ZCCHC7: variants seen among roughly 807,000 people sequenced by gnomAD.
ZCCHC7 encodes the protein zinc finger CCHC domain-containing protein 7.
Under a neutral mutation model 52.0 loss-of-function variants are expected in ZCCHC7, and 35 were observed. That is an observed-to-expected ratio of 0.67 (90% CI 0.51 to 0.89). The LOEUF is 0.89. ZCCHC7 is among the 40% of genes least tolerant of loss of function. The probability of loss-of-function intolerance (pLI) is 0.00; values close to 1 mark genes in which losing one functional copy is unlikely to be tolerated. For synonymous variants in ZCCHC7, 217 were observed against 221.5 expected (o/e 0.98, Z 0.18); for missense variants, 574 against 649.1 (o/e 0.88, Z 1.26).
At chr9:37,226,845 A>G (rs1825131977) in intron 2 of ZCCHC7, among the ~76,000 whole-genome samples, 1 of 152,104 alleles carries the variant, frequency 6.6e-6, no homozygotes, top group Non-Finnish European at 1.5e-5. Context: ...TCTGGCTAAC[A>G]AGGTGAAACC....
intron 2 of ZCCHC7, among the ~76,000 whole-genome samples, chr9:37,168,231 A>G (rs1224927978): frequency 6.6e-6 from 1 of 152,066 alleles, no homozygotes; most frequent in African/African-American, 2.4e-5. Flanking sequence ...CTGTTTCTTA[A>G]TGTCTCGTGT....
intron 6 of ZCCHC7, among the ~76,000 whole-genome samples, chr9:37,346,487 G>A (rs1195720295): frequency 6.6e-6 from 1 of 151,974 alleles, no homozygotes; most frequent in Non-Finnish European, 1.5e-5. Flanking sequence ...ACCAGCCTAG[G>A]CAACATGGCA....
chr9:37,242,397 T>C (rs980319862), intron 2 of ZCCHC7, among the ~76,000 whole-genome samples: 1 of 151,812 alleles, frequency 6.6e-6, no homozygotes, highest in Admixed American at 6.6e-5. Flanking sequence ...GGAGTTTTGG[T>C]TATATAATTT....
chr9:37,270,431 CT>C (rs1313979199), intron 2 of ZCCHC7, among the ~76,000 whole-genome samples: 1 of 151,968 alleles, frequency 6.6e-6, no homozygotes, highest in Non-Finnish European at 1.5e-5. Flanking sequence ...TGGCTCATGC[CT>C]GTAATCACAG....
intron 2 of ZCCHC7, among the ~76,000 whole-genome samples, chr9:37,239,765 A>G (rs1343022366): frequency 1.3e-5 from 2 of 152,066 alleles, no homozygotes; most frequent in Non-Finnish European, 2.9e-5. Context: ...TATAAACCTG[A>G]TGTCCATTAT....
At chr9:37,128,574 T>C (rs1336651425) in intron 2 of ZCCHC7, among the ~76,000 whole-genome samples, 3 of 151,572 alleles carry the variant, frequency 2.0e-5, no homozygotes, top group Admixed American at 1.3e-4. Flanking sequence ...CTTACATGAC[T>C]TTGTGTTTTA....
At chr9:37,182,606 TC>T (rs906096615) in intron 2 of ZCCHC7, among the ~76,000 whole-genome samples, 5 of 152,164 alleles carry the variant, frequency 3.3e-5, no homozygotes, top group Admixed American at 1.3e-4. Flanking sequence ...CCTTAAGTGA[TC>T]CGTCCACCTC....
intron 2 of ZCCHC7, among the ~76,000 whole-genome samples, chr9:37,199,521 C>T (rs1333186821): frequency 2.6e-5 from 4 of 151,792 alleles, no homozygotes; most frequent in East Asian, 3.9e-4. Context: ...TTACTAGACA[C>T]AGGGTTTCAC....
At position 37,126,893 on chromosome 9, in the gene ZCCHC7, T is replaced by C; in HGVS notation, c.561T>C (p.Asp187=). The C allele has an allele frequency of 6.2e-7, 1 of 1,614,166 alleles. No individual in the cohort carries two copies. Among genetic ancestry groups the C allele is most frequent in the Non-Finnish European group, 8.5e-7 (1 of 1,180,026 alleles). The change falls in exon 2 of 9, where the codon GAT becomes GAC. Residue 187 remains aspartate, a synonymous_variant. Coordinates refer to ENST00000336755, the MANE Select transcript of ZCCHC7 (RefSeq NM_032226.3). ...MLLGCEVDDK[D]DDILLNLVGC... ...TGGGATGTGAAGTAGATGATAAAGA[T>C]GATGATATCCTTCTCAACCTTGTGG... is the stretch of plus-strand genomic sequence containing the variant.
At chr9:37,317,305 A>G (rs1829866079) in intron 5 of ZCCHC7, among the ~76,000 whole-genome samples, 1 of 152,248 alleles carries the variant, frequency 6.6e-6, no homozygotes. Flanking sequence ...TCTGTTGCTC[A>G]TTTGTGAATT....
chr9:37,327,221 A>C lies in ZCCHC7; in HGVS notation c.952-578A>C, dbSNP rs985107160. 2.0e-5 allele frequency: 3 copies of C among 152,112 alleles called. No homozygotes were observed. In the South Asian group the frequency reaches 6.2e-4, roughly 32 times the overall value. 9.4% of individuals were successfully genotyped at this position (152,112 alleles called of 1,614,324 possible). A position where few individuals can be genotyped will look rare whatever the true frequency, so the allele number is the denominator to read the frequency against. On this transcript the variant is annotated intron_variant, in intron 5 of 8. Coordinates refer to ENST00000336755, the MANE Select transcript of ZCCHC7 (RefSeq NM_032226.3). ...GGATTTTTAAAGTTGTTTTTGCTACAGATGTGGATATGGAAAGATTAGACA... is the reference window on the plus strand; with the variant it reads ...GGATTTTTAAAGTTGTTTTTGCTACCGATGTGGATATGGAAAGATTAGACA...
chr9:37,321,484 G>A (rs1830053410), intron 5 of ZCCHC7, among the ~76,000 whole-genome samples: 1 of 152,156 alleles, frequency 6.6e-6, no homozygotes, highest in Admixed American at 6.5e-5. Context: ...ATCTTACCAG[G>A]TTGGGTGCCA....
chr9:37,233,827 T>C (rs1417228685), intron 2 of ZCCHC7, among the ~76,000 whole-genome samples: 2 of 151,872 alleles, frequency 1.3e-5, no homozygotes, highest in East Asian at 3.9e-4. Flanking sequence ...GGTAAGGAAG[T>C]GGGGATTAGA....
intron 1 of ZCCHC7, among the ~76,000 whole-genome samples, chr9:37,121,875 TC>T (rs1187136176): frequency 6.6e-6 from 1 of 152,222 alleles, no homozygotes; most frequent in Non-Finnish European, 1.5e-5. Context: ...ACATTTGGAT[TC>T]TCCATCCCAA....
At chr9:37,351,801 A>G (rs1244915372) in intron 7 of ZCCHC7, among the ~76,000 whole-genome samples, 1 of 152,214 alleles carries the variant, frequency 6.6e-6, no homozygotes, top group Non-Finnish European at 1.5e-5. Context: ...TAATTTTAGC[A>G]TTTATGTTTG....
intron 2 of ZCCHC7, among the ~76,000 whole-genome samples, chr9:37,269,670 TGATA>T (rs1181680252): frequency 6.9e-6 from 1 of 145,106 alleles, no homozygotes; most frequent in Admixed American, 6.9e-5. Flanking sequence ...AGGCATGATA[TGATA>T]ATGTTGTTAT....
intron 6 of ZCCHC7, chr9:37,334,028 G>T (rs561233891): frequency 1.3e-5 from 2 of 151,742 alleles, no homozygotes; most frequent in African/African-American, 4.8e-5. Flanking sequence ...GTTTACCATT[G>T]TACAGTATCT....
intron 6 of ZCCHC7, among the ~76,000 whole-genome samples, chr9:37,332,472 A>G (rs1052532711): frequency 6.6e-5 from 10 of 151,582 alleles, no homozygotes; most frequent in African/African-American, 2.4e-4. Flanking sequence ...TGCAAAATTT[A>G]TATGAATAGT....
chr9:37,196,830 T>G (rs1023914564), intron 2 of ZCCHC7, among the ~76,000 whole-genome samples: 2 of 152,162 alleles, frequency 1.3e-5, no homozygotes, highest in African/African-American at 4.8e-5. Flanking sequence ...CCAAAATATC[T>G]AGGATATTGT....
Sources: gnomAD v4.1 joint callset for allele counts (sites outside exome capture counted in the v4.1 genomes callset) on GRCh38, gnomAD v4.1.1 for gene constraint, MANE v1.5 for transcripts, NCBI Gene and HGNC (gene_info 2026-07-23, HGNC 2026-07-21) for gene names.